Variants in GREM2 observed in about 807,000 individuals in gnomAD.
GREM2 encodes gremlin-2.
In GREM2, 11 loss-of-function variants were observed where a neutral mutation model predicts 14.2. The observed-to-expected ratio is 0.78, with a 90% CI of 0.49 to 1.28. The LOEUF is 1.28. Ranked by LOEUF, GREM2 falls within the 50% of genes most tolerant of loss-of-function variation. The pLI, the probability that GREM2 is intolerant of heterozygous loss-of-function variation, is 0.00. For synonymous variants in GREM2, 98 were observed against 97.6 expected, an observed-to-expected ratio of 1.00 and a Z score of -0.02; for missense variants, 210 against 218.5, an observed-to-expected ratio of 0.96 and a Z score of 0.24.
chr1:240,569,907 T>A (rs1305963836), intron 1 of GREM2, among the ~76,000 whole-genome samples: 9 of 128,132 alleles, frequency 7.0e-5, no homozygotes, highest in Admixed American at 6.9e-4. Flanking sequence ...GTATGCCAAT[T>A]ATACTTCACT....
At chr1:240,504,057 A>C (rs1036164687) in intron 1 of GREM2, among the ~76,000 whole-genome samples, 1 of 152,232 alleles carries the variant, frequency 6.6e-6, no homozygotes. Flanking sequence ...ATAAAGAAGA[A>C]CTTGAAACTG....
chr1:240,601,603 C>G (rs1462159541), intron 1 of GREM2, among the ~76,000 whole-genome samples: 1 of 152,074 alleles, frequency 6.6e-6, no homozygotes, highest in Non-Finnish European at 1.5e-5. Context: ...GTTACAAAAG[C>G]TTATTAAGAT....
rs772869308 is a variant in GREM2 at position 240,604,306 on chromosome 1, CGTAT to C, written c.-2+7574_-2+7577del. 9.6e-3 allele frequency among the ~76,000 whole-genome samples: 1,126 copies of C among 117,348 alleles called. 4 individuals carry two copies. Among genetic ancestry groups the C allele is most frequent in the South Asian group, 0.017 (63 of 3,812 alleles). 77.0% of individuals were successfully genotyped at this position (117,348 alleles called of 152,430 possible). A position where few individuals can be genotyped will look rare whatever the true frequency, so the allele number is the denominator to read the frequency against. ...ATTAGATCAGCTTTATATAACTATA[CGTAT>C]GTGTGTGTGTGTGTGTGTGTGTGTG... On this transcript the variant is annotated intron_variant, in intron 1 of 1. Coordinates refer to ENST00000318160, the MANE Select transcript of GREM2 (RefSeq NM_022469.4).
chr1:240,559,383 AC>A (rs2103348173), intron 1 of GREM2, among the ~76,000 whole-genome samples: 1 of 128,052 alleles, frequency 7.8e-6, no homozygotes, highest in Admixed American at 9.8e-5. Context: ...TTGCTCTGTC[AC>A]CCAGTGTGGA....
At chr1:240,522,013 G>A (rs1422805792) in intron 1 of GREM2, among the ~76,000 whole-genome samples, 4 of 150,962 alleles carry the variant, frequency 2.6e-5, no homozygotes, top group South Asian at 2.1e-4. Flanking sequence ...CCAGCTACTC[G>A]GGAGGCTGAT....
At chr1:240,548,947 A>G (rs16840352) in intron 1 of GREM2, among the ~76,000 whole-genome samples, 9,471 of 152,266 alleles carry the variant, frequency 0.062, 908 homozygotes, top group African/African-American at 0.21. Context: ...TAATGACTGA[A>G]CAAAAGATCT....
chr1:240,497,021 C>CA lies in GREM2; in HGVS notation c.-1-3546dup, dbSNP rs57502043. ...GGGCAACAAGAGTGAAACTCCATCT[C>CA]AAAAAAAAAAAATGTTGAACGAAAT... On this transcript the variant is annotated intron_variant, in intron 1 of 1. Coordinates refer to ENST00000318160, the MANE Select transcript of GREM2 (RefSeq NM_022469.4). Among the ~76,000 whole-genome samples, 1,281 of 141,274 alleles carry CA rather than the reference C, an allele frequency of 9.1e-3. 15 individuals carry two copies. Among genetic ancestry groups the CA allele is most frequent in the African/African-American group, 0.027 (1,031 of 38,672 alleles). The allele number at this position is 141,274 out of a possible 152,430, so 92.7% of individuals were successfully genotyped here.
intron 1 of GREM2, among the ~76,000 whole-genome samples, chr1:240,598,236 A>G (rs1160588119): frequency 6.6e-6 from 1 of 152,218 alleles, no homozygotes; most frequent in Non-Finnish European, 1.5e-5. Context: ...TTGTCGTTAA[A>G]GGGACTTTTG....
At chr1:240,582,357 C>T (rs562556256) in intron 1 of GREM2, among the ~76,000 whole-genome samples, 4 of 152,236 alleles carry the variant, frequency 2.6e-5, no homozygotes, top group East Asian at 1.9e-4. Flanking sequence ...ATCACTTGAA[C>T]ACAGGAGGTG....
At position 240,576,372 on chromosome 1, in the gene GREM2, C is replaced by T. The variant is rs1002546539; in HGVS notation, c.-2+35512G>A. On this transcript the variant is annotated intron_variant, in intron 1 of 1. Transcript: ENST00000318160. ...TTCCTTCCCTCTCTTGACGAAGCTT[C>T]CTGGTTTCGCTTAGAGTGTGAGGAA... is the stretch of plus-strand genomic sequence containing the variant. Among the ~76,000 whole-genome samples the T allele has an allele frequency of 3.3e-5, 5 of 152,302 alleles. No homozygotes were observed. The South Asian group carries it at 1.0e-3, about 32-fold the overall frequency.
chr1:240,569,549 C>T (rs539565921), intron 1 of GREM2, among the ~76,000 whole-genome samples: 14 of 152,202 alleles, frequency 9.2e-5, no homozygotes, highest in African/African-American at 2.6e-4. Context: ...ACTACACATA[C>T]GTAGACAACT....
In GREM2 at chr1:240,519,342, GTT is replaced by G. The variant is rs201469455; in HGVS notation, c.-1-25868_-1-25867del. 1.0e-4 allele frequency among the ~76,000 whole-genome samples: 15 copies of G among 145,886 alleles called. No individual in the cohort carries two copies. The East Asian group carries it at 1.6e-3, about 16-fold the overall frequency. On this transcript the variant is annotated intron_variant, in intron 1 of 1. Transcript: ENST00000318160. ...TCACAACTTTCTCCTAACTTCTCTA[GTT>G]TTTTTTTTTTCCTTTATTTCCTTTC...
At chr1:240,598,461 C>T (rs962877685) in intron 1 of GREM2, among the ~76,000 whole-genome samples, 2 of 152,076 alleles carry the variant, frequency 1.3e-5, no homozygotes, top group Non-Finnish European at 2.9e-5. Context: ...TACATATCAC[C>T]CTTATGAAGA....
At chr1:240,585,049 C>T (rs1037307624) in intron 1 of GREM2, among the ~76,000 whole-genome samples, 8 of 152,140 alleles carry the variant, frequency 5.3e-5, no homozygotes, top group African/African-American at 1.9e-4. Context: ...CTCTTGGTCC[C>T]AGTCCTGTTG....
chr1:240,603,677 C>T (rs187850118), intron 1 of GREM2, among the ~76,000 whole-genome samples: 17 of 152,108 alleles, frequency 1.1e-4, no homozygotes, highest in Admixed American at 9.8e-4. Flanking sequence ...TCTGATGAAC[C>T]TTAATGATTC....
At chr1:240,587,761 TG>T (rs1380449728) in intron 1 of GREM2, among the ~76,000 whole-genome samples, 8 of 152,356 alleles carry the variant, frequency 5.3e-5, no homozygotes, top group African/African-American at 1.9e-4. Flanking sequence ...CTCTTAGCCA[TG>T]CAGATAGACT....
At chr1:240,600,771 A>G (rs1024987027) in intron 1 of GREM2, among the ~76,000 whole-genome samples, 7 of 152,196 alleles carry the variant, frequency 4.6e-5, no homozygotes, top group Non-Finnish European at 7.3e-5. Context: ...GGCGTGAGCC[A>G]CCGTGCCTGG....
chr1:240,521,433 T>C (rs937389023), intron 1 of GREM2, among the ~76,000 whole-genome samples: 3 of 151,178 alleles, frequency 2.0e-5, no homozygotes, highest in South Asian at 2.1e-4. Flanking sequence ...TAGCCGGGCA[T>C]GGTGAGGGGC....
At chr1:240,501,893 A>G (rs1048496635) in intron 1 of GREM2, among the ~76,000 whole-genome samples, 5 of 152,230 alleles carry the variant, frequency 3.3e-5, no homozygotes, top group African/African-American at 4.8e-5. Flanking sequence ...TTTATTTGAA[A>G]GGAAGGAAGA....
Sources: allele counts gnomAD v4.1 joint callset (sites outside exome capture counted in the v4.1 genomes callset), GRCh38; gene constraint gnomAD v4.1.1; transcripts MANE v1.5; gene names NCBI Gene and HGNC (gene_info 2026-07-23, HGNC 2026-07-21).